The following BCL2L14 variants were observed in gnomAD, a reference collection of about 807,000 sequenced individuals.
BCL2L14 encodes the protein apoptosis facilitator Bcl-2-like protein 14.
In BCL2L14, 27 loss-of-function variants were observed where a neutral mutation model predicts 35.3. The observed-to-expected ratio is 0.76, with a 90% confidence interval of 0.56 to 1.05. BCL2L14 has a LOEUF of 1.05. Among genes scored for constraint, BCL2L14 ranks in the 50% least tolerant of loss-of-function variants. The probability of loss-of-function intolerance (pLI) is 0.00; values close to 1 mark genes in which losing one functional copy is unlikely to be tolerated. For synonymous variants in BCL2L14, 139 were observed against 145.9 expected, an observed-to-expected ratio of 0.95 and a Z score of 0.34; for missense variants, 377 against 382.6, an observed-to-expected ratio of 0.99 and a Z score of 0.12.
chr12:12,058,692 C>A (rs199666657), intron 2 of BCL2L14, among the ~76,000 whole-genome samples: 7 of 151,936 alleles, frequency 4.6e-5, no homozygotes, highest in African/African-American at 1.5e-4. Context: ...ACTCTCTTTT[C>A]GGACTCAGCC....
chr12:12,052,790 T>C (rs1254880108), intron 2 of BCL2L14, among the ~76,000 whole-genome samples: 1 of 152,196 alleles, frequency 6.6e-6, no homozygotes, highest in East Asian at 1.9e-4. Flanking sequence ...TGTCTGACCT[T>C]GAGCATACCT....
intron 1 of BCL2L14, among the ~76,000 whole-genome samples, chr12:12,050,812 AAG>A (rs1491229856): frequency 8.7e-4 from 114 of 131,254 alleles, no homozygotes; most frequent in African/African-American, 3.1e-3. Flanking sequence ...AAAAAAAAAA[AAG>A]AAAAGAAAAG....
intron 2 of BCL2L14, among the ~76,000 whole-genome samples, chr12:12,081,663 A>G (rs1948927929): frequency 6.6e-6 from 1 of 151,654 alleles, no homozygotes; most frequent in Non-Finnish European, 1.5e-5. Context: ...GGTTCAAGCA[A>G]TTCTCCTGCC....
At chr12:12,063,675 A>C (rs1948558466) in intron 2 of BCL2L14, among the ~76,000 whole-genome samples, 1 of 152,186 alleles carries the variant, frequency 6.6e-6, no homozygotes, top group Non-Finnish European at 1.5e-5. Context: ...ATATAAGAAG[A>C]CAGGAATGTC....
intron 3 of BCL2L14, 22 bp downstream of exon 3, chr12:12,087,408 GGA>G: frequency 6.2e-7 from 1 of 1,611,328 alleles, no homozygotes; most frequent in Non-Finnish European, 8.5e-7. Context: ...TTCCCTGGGT[GGA>G]GTGTTTGCCA....
chr12:12,085,107 C>G (rs1236636257), intron 2 of BCL2L14, among the ~76,000 whole-genome samples: 1 of 135,230 alleles, frequency 7.4e-6, no homozygotes, highest in East Asian at 2.2e-4. Context: ...AAAAAAAAGT[C>G]AATACCCTGT....
rs1204984965 is a variant in BCL2L14 at position 12,079,749 on chromosome 12, G to C, written c.433+11G>C. 2 of 1,605,598 alleles carry C rather than the reference G, an allele frequency of 1.2e-6. No homozygotes were observed. Among genetic ancestry groups the C allele is most frequent in the Non-Finnish European group, 1.7e-6 (2 of 1,175,524 alleles). ...GCTTGGAGCATGAAGGTAGGCATCT[G>C]GGATTTCTTTCTCTCCCGCTTCCTG... On this transcript the variant is annotated intron_variant, in intron 2 of 5. Coordinates refer to ENST00000308721, the MANE Select transcript of BCL2L14 (RefSeq NM_138723.2).
chr12:12,056,763 G>C (rs998508801), intron 2 of BCL2L14, among the ~76,000 whole-genome samples: 1 of 152,150 alleles, frequency 6.6e-6, no homozygotes, highest in Admixed American at 6.6e-5. Flanking sequence ...AACCTGGAAG[G>C]CCTCGGAGGT....
rs1949377057 is a variant in BCL2L14, at chr12:12,099,088, G to T, written c.*100G>T. 1.2e-6 allele frequency: 1 copy of T among 844,492 alleles called. No homozygotes were observed. The highest frequency in any genetic ancestry group is 2.0e-6 in the Non-Finnish European group (1 of 502,190). 52.3% of individuals were successfully genotyped at this position (844,492 alleles called of 1,614,324 possible). ...GAGATTACAACGTACAAGGCAGATG[G>T]AGCATTGACGTTTTCAAAACCATTA... On this transcript the variant is annotated 3_prime_UTR_variant, in exon 6 of 6. Transcript: ENST00000308721.
intron 3 of BCL2L14, 77 bp from the exon 4 acceptor site, chr12:12,090,702 G>A: frequency 9.0e-7 from 1 of 1,105,300 alleles, no homozygotes; most frequent in Non-Finnish European, 1.3e-6. Context: ...CAAGCCACAA[G>A]CATTCATTGT....
chr12:12,060,636 T>C (rs185783462), intron 2 of BCL2L14, among the ~76,000 whole-genome samples: 23 of 45,992 alleles, frequency 5.0e-4, no homozygotes, highest in African/African-American at 1.5e-3. Context: ...CAGGCGTTCC[T>C]CCAGAACCTC....
chr12:12,088,124 A>G (rs925277177), intron 3 of BCL2L14, among the ~76,000 whole-genome samples: 5 of 152,224 alleles, frequency 3.3e-5, no homozygotes, highest in Non-Finnish European at 5.9e-5. Flanking sequence ...AATCGAGGAC[A>G]TGGACACACA....
chr12:12,071,507 C>A (rs1303910544), intron 1 of BCL2L14: 2 of 152,100 alleles, frequency 1.3e-5, no homozygotes, highest in Non-Finnish European at 2.9e-5. Flanking sequence ...GACACCACTG[C>A]CCAAGCTGGA....
chr12:12,096,960 G>A (rs1464858963), intron 5 of BCL2L14, among the ~76,000 whole-genome samples: 2 of 152,062 alleles, frequency 1.3e-5, no homozygotes, highest in Admixed American at 6.5e-5. Flanking sequence ...TGGCTAACAC[G>A]GTGAAACCCC....
In BCL2L14 at chr12:12,076,188, TGGGGGAGGGTGGGATGCCCGGAAAATGC is replaced by T. The variant is rs1363133967; in HGVS notation, c.-7-3110_-7-3083del. Among the ~76,000 whole-genome samples the T allele has an allele frequency of 6.6e-3, 16 of 2,440 alleles. 1 individual carries two copies. Among genetic ancestry groups the T allele is most frequent in the South Asian group, 0.012 (1 of 86 alleles). The allele number at this position is 2,440 out of a possible 152,430, so 1.6% of individuals were successfully genotyped here. A position where few individuals can be genotyped will look rare whatever the true frequency, so the allele number is the denominator to read the frequency against. On this transcript the variant is annotated intron_variant, in intron 1 of 5. Transcript: ENST00000308721. Reference sequence around the variant, plus strand: ...GAGGGTGGGATGCCCGGAAAATGCATGGGGGAGGGTGGGATGCCCGGAAAATGCATGGGGGAGGGTGGGATTGGATGGA... The same window carrying T: ...GAGGGTGGGATGCCCGGAAAATGCATATGGGGGAGGGTGGGATTGGATGGA...
At chr12:12,050,957 G>C (rs1948350622) in intron 1 of BCL2L14, among the ~76,000 whole-genome samples, 1 of 152,176 alleles carries the variant, frequency 6.6e-6, no homozygotes, top group Non-Finnish European at 1.5e-5. Context: ...AGAGATTTAG[G>C]ACCTTTTGGC....
chr12:12,053,370 G>T (rs1055232626), intron 2 of BCL2L14, among the ~76,000 whole-genome samples: 1 of 151,806 alleles, frequency 6.6e-6, no homozygotes, highest in Non-Finnish European at 1.5e-5. Flanking sequence ...CAGCTCAGGG[G>T]ACACAATCTA....
intron 2 of BCL2L14, among the ~76,000 whole-genome samples, chr12:12,079,963 G>A (rs1385001520): frequency 6.6e-6 from 1 of 152,220 alleles, no homozygotes; most frequent in African/African-American, 2.4e-5. Flanking sequence ...CCAGCACTCT[G>A]GGAGGCCAAG....
intron 1 of BCL2L14, chr12:12,077,654 C>T (rs781316364): frequency 1.2e-5 from 2 of 162,484 alleles, no homozygotes; most frequent in African/African-American, 2.4e-5. Context: ...GTATCTTACA[C>T]CCTTACAATA....
Sources: allele counts gnomAD v4.1 joint callset (sites outside exome capture counted in the v4.1 genomes callset), GRCh38; gene constraint gnomAD v4.1.1; transcripts MANE v1.5; gene names NCBI Gene and HGNC (gene_info 2026-07-23, HGNC 2026-07-21).